The following DCAF17 variants were observed in gnomAD, a reference collection of about 807,000 sequenced individuals.
The protein encoded by DCAF17 is DDB1 and CUL4 associated factor 17.
DCAF17 carries 48 observed loss-of-function variants against 66.0 expected under a neutral mutation model. That is an observed-to-expected ratio of 0.73 (90% CI 0.58 to 0.92). DCAF17 has a LOEUF of 0.92. Among genes scored for constraint, DCAF17 ranks in the 40% least tolerant of loss-of-function variants. DCAF17 has a pLI of 0.00. For synonymous variants in DCAF17, 206 were observed against 214.6 expected (o/e 0.96, Z 0.35); for missense variants, 562 against 622.8 (o/e 0.90, Z 1.04).
At chr2:171,474,149 A>G (rs1696389348) in intron 10 of DCAF17, 174 bp downstream of exon 10, 3 of 630,324 alleles carry the variant, frequency 4.8e-6, no homozygotes, top group Admixed American at 2.7e-5. Context: ...TTGAGACTCA[A>G]CATTACTGTT....
chr2:171,441,245 C>T (rs2105731755), intron 2 of DCAF17, among the ~76,000 whole-genome samples: 1 of 152,300 alleles, frequency 6.6e-6, no homozygotes. Context: ...CTTCTCCCCT[C>T]CTGCACAGTT....
At chr2:171,445,051 G>A (rs930788350) in intron 3 of DCAF17, among the ~76,000 whole-genome samples, 1 of 152,034 alleles carries the variant, frequency 6.6e-6, no homozygotes, top group Admixed American at 6.6e-5. Context: ...GGGGGAAGAC[G>A]ACAGATTTCT....
intron 12 of DCAF17, 146 bp downstream of exon 12, chr2:171,478,216 C>T (rs1175817424): frequency 2.8e-6 from 2 of 717,426 alleles, no homozygotes; most frequent in Non-Finnish European, 5.1e-6. Flanking sequence ...CATGCTATTT[C>T]AACCAGTGCA....
intron 2 of DCAF17, among the ~76,000 whole-genome samples, chr2:171,436,634 T>A (rs1381029855): frequency 3.2e-5 from 2 of 61,766 alleles, no homozygotes. Context: ...CACTTGTAAA[T>A]TTTTTTTTTT....
chr2:171,455,059 G>A (rs188679937), intron 6 of DCAF17, among the ~76,000 whole-genome samples: 1 of 151,564 alleles, frequency 6.6e-6, no homozygotes, highest in Admixed American at 6.6e-5. Context: ...GGGGTTTGTT[G>A]TACAGATTAT....
intron 2 of DCAF17, among the ~76,000 whole-genome samples, chr2:171,441,465 G>A (rs1694303736): frequency 6.6e-6 from 1 of 152,148 alleles, no homozygotes; most frequent in Non-Finnish European, 1.5e-5. Context: ...CTACATCCAA[G>A]GTAGATCCTC....
chr2:171,448,140 C>CT (rs1003023753), intron 3 of DCAF17, among the ~76,000 whole-genome samples: 38 of 151,116 alleles, frequency 2.5e-4, no homozygotes, highest in African/African-American at 9.2e-4. Flanking sequence ...GCAGAGAACC[C>CT]TTTTTTTTTG....
chr2:171,447,389 G>T, intron 3 of DCAF17: 1 of 362,158 alleles, frequency 2.8e-6, no homozygotes, highest in Non-Finnish European at 5.4e-6. Flanking sequence ...TTTTGAGATG[G>T]AGTCTTCTGT....
At chr2:171,466,048 G>A (rs1237870498) in intron 8 of DCAF17, among the ~76,000 whole-genome samples, 1 of 151,904 alleles carries the variant, frequency 6.6e-6, no homozygotes, top group Non-Finnish European at 1.5e-5. Context: ...ATTTTTAGTA[G>A]AGGTGAGGTT....
At chr2:171,465,911 G>A (rs1333484143) in intron 8 of DCAF17, among the ~76,000 whole-genome samples, 2 of 152,054 alleles carry the variant, frequency 1.3e-5, no homozygotes, top group African/African-American at 4.8e-5. Context: ...GCAAAAATAA[G>A]CAAATTTATG....
chr2:171,449,202 T>G (rs915591564), intron 4 of DCAF17, among the ~76,000 whole-genome samples: 1 of 152,176 alleles, frequency 6.6e-6, no homozygotes, highest in African/African-American at 2.4e-5. Context: ...GAGCTGAGGT[T>G]TCCCTATGTT....
intron 10 of DCAF17, chr2:171,474,475 A>G (rs1415000900): frequency 6.0e-6 from 1 of 166,608 alleles, no homozygotes; most frequent in Non-Finnish European, 1.3e-5. Flanking sequence ...TATCTTTTTT[A>G]GTTTGCTTTC....
rs1371948898 is a variant in DCAF17, at chr2:171,482,340, T to G, written c.*1226T>G. 2 of 453,806 alleles carry G rather than the reference T, an allele frequency of 4.4e-6. No individual in the cohort carries two copies. The highest frequency in any genetic ancestry group is 3.1e-5 in the South Asian group (2 of 64,354). 28.1% of individuals were successfully genotyped at this position (453,806 alleles called of 1,614,324 possible). ...TAAAATATGGAATTTTTAGCTTGGA[T>G]GATTTATATTAAAATCTTTCCATTT... On this transcript the variant is annotated 3_prime_UTR_variant, in exon 14 of 14. Transcript: ENST00000375255.
In DCAF17 at chr2:171,476,927, T is replaced by A. The variant is rs1484252475; in HGVS notation, c.1159T>A (p.Leu387Met). The A allele has an allele frequency of 6.2e-7, 1 of 1,613,636 alleles. No individual in the cohort carries two copies. The highest frequency in any genetic ancestry group is 2.2e-5 in the East Asian group (1 of 44,816). The part of the protein sequence containing the change: ...QHQISEDFVI[L>M]ANRENHKNEN... ...TCAGATCTCTGAAGATTTTGTCATT[T>A]TGGCCAACAGGGAGAACCATAAAGT... Residue 387 changes from leucine to methionine, a missense_variant, in exon 11 of 14, where the codon TTG (leucine) becomes ATG (methionine). Leu to Met is a conservative substitution (Grantham distance 15). Transcript: ENST00000375255.
At chr2:171,469,650 A>C (rs1696127207) in intron 9 of DCAF17, among the ~76,000 whole-genome samples, 1 of 152,340 alleles carries the variant, frequency 6.6e-6, no homozygotes, top group South Asian at 2.1e-4. Flanking sequence ...GCCAGACATG[A>C]CTAAGGACAC....
intron 13 of DCAF17, 104 bp downstream of exon 13, chr2:171,480,297 C>A: frequency 7.1e-7 from 1 of 1,401,188 alleles, no homozygotes; most frequent in Non-Finnish European, 9.8e-7. Context: ...CTCACCTATG[C>A]CAATGACCAT....
chr2:171,446,119 T>C (rs1264648855), intron 3 of DCAF17, among the ~76,000 whole-genome samples: 1 of 152,238 alleles, frequency 6.6e-6, no homozygotes, highest in Non-Finnish European at 1.5e-5. Flanking sequence ...GCCAGTATTT[T>C]AAGAAACTTG....
chr2:171,462,347 T>A (rs1458841738), intron 8 of DCAF17, among the ~76,000 whole-genome samples: 1 of 151,390 alleles, frequency 6.6e-6, no homozygotes, highest in Non-Finnish European at 1.5e-5. Flanking sequence ...ATTTCCTTAA[T>A]ATGTGAAGGG....
intron 3 of DCAF17, among the ~76,000 whole-genome samples, chr2:171,446,760 A>G (rs2105745434): frequency 6.6e-6 from 1 of 152,298 alleles, no homozygotes. Context: ...TTAAAATTGC[A>G]TTGTGAATGT....
Sources: allele counts gnomAD v4.1 joint callset (sites outside exome capture counted in the v4.1 genomes callset), GRCh38; gene constraint gnomAD v4.1.1; transcripts MANE v1.5; gene names NCBI Gene and HGNC (gene_info 2026-07-23, HGNC 2026-07-21).